Variants in DCAF8 observed in about 807,000 individuals in gnomAD.
DCAF8 encodes DDB1 and CUL4 associated factor 8.
A neutral mutation model predicts 68.0 loss-of-function variants in DCAF8; 20 were observed. That is an observed-to-expected ratio of 0.29 (90% confidence interval 0.21 to 0.43). DCAF8 has a LOEUF of 0.43. Among genes scored for constraint, DCAF8 ranks in the 20% least tolerant of loss-of-function variants. DCAF8 has a pLI of 1.00. For synonymous variants in DCAF8, 230 were observed against 276.9 expected (o/e 0.83, Z 1.68); for missense variants, 460 against 771.0 (o/e 0.60, Z 4.78).
At chr1:160,230,550 C>G (rs900990031) in intron 7 of DCAF8, among the ~76,000 whole-genome samples, 1 of 152,140 alleles carries the variant, frequency 6.6e-6, no homozygotes, top group Non-Finnish European at 1.5e-5. Context: ...TAGCTCAGGA[C>G]AGTGAGAGCC....
intron 2 of DCAF8, among the ~76,000 whole-genome samples, chr1:160,256,274 T>C (rs534327333): frequency 1.9e-3 from 296 of 152,274 alleles, no homozygotes; most frequent in Non-Finnish European, 3.1e-3. Flanking sequence ...CTGTTGCCAT[T>C]AACAGTTTTT....
At chr1:160,243,817 T>C (rs773804888) in intron 3 of DCAF8, 143 bp downstream of exon 3, 1 of 743,502 alleles carries the variant, frequency 1.3e-6, no homozygotes, top group Middle Eastern at 2.5e-4. Context: ...CCAAGGTGTT[T>C]CCTGTGTAGT....
chr1:160,259,889 T>A (rs942814286), intron 2 of DCAF8, among the ~76,000 whole-genome samples: 6 of 152,194 alleles, frequency 3.9e-5, no homozygotes, highest in African/African-American at 1.2e-4. Context: ...TAATATTCTC[T>A]GTCCTCTGGT....
At chr1:160,224,395 CA>C (rs1249628890) in intron 10 of DCAF8, 46 bp downstream of exon 10, 1 of 1,472,220 alleles carries the variant, frequency 6.8e-7, no homozygotes, top group Non-Finnish European at 9.5e-7. Context: ...TGTGGTTCTC[CA>C]AAGCCAACAG....
At chr1:160,246,974 TAAA>T (rs970160008) in intron 2 of DCAF8, among the ~76,000 whole-genome samples, 1 of 152,094 alleles carries the variant, frequency 6.6e-6, no homozygotes, top group Admixed American at 6.6e-5. Flanking sequence ...AAATAAAAAA[TAAA>T]AAATCTTTTC....
intron 2 of DCAF8, among the ~76,000 whole-genome samples, chr1:160,248,307 GA>G (rs200098593): frequency 0.03 from 3,969 of 130,272 alleles, 59 homozygotes; most frequent in East Asian, 0.1. Flanking sequence ...ACTCCATCTA[GA>G]AAAAAAAAAA....
chr1:160,239,099 GA>G, intron 4 of DCAF8: 1 of 955,478 alleles, frequency 1.0e-6, no homozygotes, highest in Non-Finnish European at 1.3e-6. Context: ...TTGCTACAAA[GA>G]AAAAGGAAAA....
chr1:160,233,233 T>C (rs1655753914), intron 6 of DCAF8, among the ~76,000 whole-genome samples: 1 of 152,182 alleles, frequency 6.6e-6, no homozygotes, highest in South Asian at 2.1e-4. Flanking sequence ...TTTTACTTAG[T>C]ATCTCTGCAG....
chr1:160,238,780 A>C, intron 4 of DCAF8, 33 bp from the exon 5 acceptor site: 1 of 1,570,476 alleles, frequency 6.4e-7, no homozygotes, highest in South Asian at 1.2e-5. Context: ...AAGGACACAC[A>C]AAAGAAATGA....
intron 2 of DCAF8, among the ~76,000 whole-genome samples, chr1:160,245,464 G>A (rs1656285397): frequency 6.6e-6 from 1 of 151,948 alleles, no homozygotes; most frequent in Non-Finnish European, 1.5e-5. Flanking sequence ...CTTTTCCTCC[G>A]CTACCCTCTA....
At chr1:160,239,381 C>T in intron 4 of DCAF8, 2 of 1,388,708 alleles carry the variant, frequency 1.4e-6, no homozygotes, top group East Asian at 2.6e-5. Context: ...AGCTAGTAAG[C>T]AGAAGGGCTA....
At chr1:160,236,405 T>C (rs1428813323) in intron 6 of DCAF8, among the ~76,000 whole-genome samples, 1 of 151,694 alleles carries the variant, frequency 6.6e-6, no homozygotes, top group Non-Finnish European at 1.5e-5. Flanking sequence ...TACATGTGTA[T>C]ATGTGTGTGT....
At chr1:160,260,690 A>G (rs939018744) in intron 2 of DCAF8, among the ~76,000 whole-genome samples, 6 of 151,654 alleles carry the variant, frequency 4.0e-5, no homozygotes, top group Non-Finnish European at 4.4e-5. Flanking sequence ...TCTTCAGACC[A>G]GCTACAAAAG....
intron 7 of DCAF8, among the ~76,000 whole-genome samples, chr1:160,230,330 T>C (rs1655631987): frequency 6.6e-6 from 1 of 152,196 alleles, no homozygotes; most frequent in Non-Finnish European, 1.5e-5. Flanking sequence ...TCTCTCTCCT[T>C]TCAAACTGAT....
intron 11 of DCAF8, 76 bp from the exon 12 acceptor site, chr1:160,219,044 C>A: frequency 6.3e-7 from 1 of 1,577,586 alleles, no homozygotes; most frequent in Non-Finnish European, 8.6e-7. Context: ...TCACCTTGAG[C>A]CAAATAACTG....
intron 10 of DCAF8, among the ~76,000 whole-genome samples, chr1:160,223,615 G>T (rs575707226): frequency 6.6e-6 from 1 of 152,294 alleles, no homozygotes; most frequent in East Asian, 1.9e-4. Context: ...ATTTTTAAAA[G>T]AACACCAGGA....
rs1038869216 is a variant in DCAF8, at chr1:160,249,166, G to C, written c.-26-5132C>G. Among the ~76,000 whole-genome samples the C allele has an allele frequency of 5.3e-5, 8 of 152,090 alleles. No homozygotes were observed. The East Asian group carries it at 1.5e-3, about 29-fold the overall frequency. On this transcript the variant is annotated intron_variant, in intron 2 of 13. Coordinates refer to ENST00000368074, the MANE Select transcript of DCAF8 (RefSeq NM_015726.4). ...AGATCGCACCACTGCACTCCAGCCT[G>C]GGCAACAGAGGAGACTCCATCTCAA...
intron 2 of DCAF8, among the ~76,000 whole-genome samples, chr1:160,255,218 C>CTGCA (rs1289222419): frequency 1.3e-5 from 2 of 152,344 alleles, no homozygotes; most frequent in African/African-American, 4.8e-5. Context: ...GTTCTACGAA[C>CTGCA]TGCAGTAAGA....
intron 11 of DCAF8, 30 bp downstream of exon 11, chr1:160,222,621 G>A (rs772942213): frequency 8.1e-6 from 13 of 1,612,104 alleles, no homozygotes; most frequent in African/African-American, 4.0e-5. Context: ...AGAGATTAGG[G>A]AGCCAGCCAG....
Sources: allele counts gnomAD v4.1 joint callset (sites outside exome capture counted in the v4.1 genomes callset), GRCh38; gene constraint gnomAD v4.1.1; transcripts MANE v1.5; gene names NCBI Gene and HGNC (gene_info 2026-07-23, HGNC 2026-07-21).